KCTD8: variants seen among roughly 807,000 people sequenced by gnomAD.
The protein encoded by KCTD8 is potassium channel tetramerization domain containing 8, also known as BTB/POZ domain-containing protein KCTD8.
In KCTD8, 27 loss-of-function variants were observed where a neutral mutation model predicts 31.5. The observed-to-expected ratio is 0.86, with a 90% CI of 0.63 to 1.18. KCTD8 has a LOEUF of 1.18. Ranked by LOEUF, KCTD8 falls within the 50% of genes most tolerant of loss-of-function variation. The pLI, the probability that KCTD8 is intolerant of heterozygous loss-of-function variation, is 0.00. For missense variants in KCTD8, 658 were observed against 647.7 expected, an observed-to-expected ratio of 1.02 and a Z score of -0.17; for synonymous variants, 290 against 280.0, an observed-to-expected ratio of 1.04 and a Z score of -0.36.
intron 1 of KCTD8, among the ~76,000 whole-genome samples, chr4:44,441,145 G>C (rs1299521109): frequency 2.0e-5 from 3 of 151,952 alleles, no homozygotes; most frequent in Non-Finnish European, 4.4e-5. Context: ...TAATTTACTT[G>C]TTGGAATGAC....
intron 1 of KCTD8, among the ~76,000 whole-genome samples, chr4:44,300,907 C>T (rs1039392227): frequency 2.8e-5 from 4 of 145,290 alleles, no homozygotes; most frequent in African/African-American, 1.0e-4. Flanking sequence ...TGATGTTCCC[C>T]TTCCTGTGTC....
At chr4:44,377,202 A>G (rs1004407385) in intron 1 of KCTD8, among the ~76,000 whole-genome samples, 5 of 152,178 alleles carry the variant, frequency 3.3e-5, no homozygotes, top group Admixed American at 2.0e-4. Context: ...AGTAATGTGT[A>G]GAGAGATGGG....
intron 1 of KCTD8, among the ~76,000 whole-genome samples, chr4:44,179,335 G>C (rs967764634): frequency 6.6e-6 from 1 of 151,494 alleles, no homozygotes; most frequent in Admixed American, 6.6e-5. Context: ...AAATGCTTGG[G>C]ATATTTTAGA....
intron 1 of KCTD8, among the ~76,000 whole-genome samples, chr4:44,178,780 G>C (rs1713291468): frequency 6.6e-6 from 1 of 152,062 alleles, no homozygotes; most frequent in Non-Finnish European, 1.5e-5. Flanking sequence ...TCTATTCACT[G>C]GGAGGAAGAA....
chr4:44,401,980 T>C (rs1160724045), intron 1 of KCTD8, among the ~76,000 whole-genome samples: 2 of 152,222 alleles, frequency 1.3e-5, no homozygotes, highest in South Asian at 4.1e-4. Context: ...TGATGAAGTA[T>C]AAGTTAATCC....
intron 1 of KCTD8, among the ~76,000 whole-genome samples, chr4:44,426,604 G>A (rs1395591878): frequency 6.6e-6 from 1 of 151,636 alleles, no homozygotes; most frequent in Non-Finnish European, 1.5e-5. Context: ...TGAAAACCTA[G>A]ACAAAAGATG....
rs150056253 is a variant in KCTD8, at chr4:44,345,016, T to C, written c.961+102547A>G. ...CTTTCATCAAGTCCCAAGAGATCAC[T>C]TCACTGCCTTTCCTATGCCTTCTAG... is the stretch of plus-strand genomic sequence containing the variant. On this transcript the variant is annotated intron_variant, in intron 1 of 1. Coordinates refer to ENST00000360029, the MANE Select transcript of KCTD8 (RefSeq NM_198353.3). Among the ~76,000 whole-genome samples the C allele has an allele frequency of 3.3e-3, 508 of 152,280 alleles. 3 individuals carry two copies. Among genetic ancestry groups the C allele is most frequent in the Non-Finnish European group, 5.8e-3 (395 of 68,024 alleles).
At chr4:44,229,186 A>G (rs2109351654) in intron 1 of KCTD8, among the ~76,000 whole-genome samples, 1 of 152,282 alleles carries the variant, frequency 6.6e-6, no homozygotes, top group East Asian at 1.9e-4. Flanking sequence ...GGCAGGCATG[A>G]GTGAGGCAGG....
At chr4:44,441,142 C>T (rs1342833685) in intron 1 of KCTD8, among the ~76,000 whole-genome samples, 2 of 151,982 alleles carry the variant, frequency 1.3e-5, no homozygotes, top group African/African-American at 4.8e-5. Context: ...AGCTAATTTA[C>T]TTGTTGGAAT....
At chr4:44,286,481 G>A (rs959281738) in intron 1 of KCTD8, among the ~76,000 whole-genome samples, 2 of 152,034 alleles carry the variant, frequency 1.3e-5, no homozygotes, top group Non-Finnish European at 2.9e-5. Flanking sequence ...ATCCATAACT[G>A]ACTACTTTTC....
intron 1 of KCTD8, among the ~76,000 whole-genome samples, chr4:44,302,411 T>C (rs1055296097): frequency 6.6e-5 from 10 of 152,190 alleles, no homozygotes; most frequent in African/African-American, 2.4e-4. Flanking sequence ...TGGTTTGTAG[T>C]TCTCCTTGAA....
chr4:44,291,184 T>C (rs560448569), intron 1 of KCTD8, among the ~76,000 whole-genome samples: 11 of 152,202 alleles, frequency 7.2e-5, no homozygotes, highest in African/African-American at 2.2e-4. Flanking sequence ...TGAACACCTA[T>C]ATGAACACTA....
At chr4:44,348,492 TA>T (rs1474331207) in intron 1 of KCTD8, among the ~76,000 whole-genome samples, 1 of 152,202 alleles carries the variant, frequency 6.6e-6, no homozygotes, top group Non-Finnish European at 1.5e-5. Flanking sequence ...GTTAAGTGTG[TA>T]TGTACCTTCA....
chr4:44,187,943 G>A (rs2109333420), intron 1 of KCTD8, among the ~76,000 whole-genome samples: 1 of 149,406 alleles, frequency 6.7e-6, no homozygotes, highest in Non-Finnish European at 1.5e-5. Context: ...GGAAGCAGAG[G>A]TTGTGGAAGA....
chr4:44,197,318 C>T (rs1211367195), intron 1 of KCTD8, among the ~76,000 whole-genome samples: 1 of 152,074 alleles, frequency 6.6e-6, no homozygotes. Context: ...AGACCCCTGG[C>T]CCCTGCCTGA....
intron 1 of KCTD8, among the ~76,000 whole-genome samples, chr4:44,381,498 A>G (rs948393025): frequency 2.0e-5 from 3 of 152,130 alleles, no homozygotes; most frequent in African/African-American, 7.2e-5. Flanking sequence ...CAGGAACCAA[A>G]ATTAAGCAGG....
intron 1 of KCTD8, chr4:44,293,936 T>C: frequency 2.8e-6 from 1 of 357,806 alleles, no homozygotes; most frequent in Non-Finnish European, 5.6e-6. Context: ...ACAATTTTCT[T>C]GAGCATTTTA....
At chr4:44,339,134 G>C (rs1300067191) in intron 1 of KCTD8, among the ~76,000 whole-genome samples, 1 of 152,104 alleles carries the variant, frequency 6.6e-6, no homozygotes, top group Non-Finnish European at 1.5e-5. Context: ...TTTAAAAATT[G>C]TAAATATATT....
intron 1 of KCTD8, among the ~76,000 whole-genome samples, chr4:44,233,808 T>C (rs1715195266): frequency 6.6e-6 from 1 of 152,180 alleles, no homozygotes; most frequent in Non-Finnish European, 1.5e-5. Context: ...CTAAGAATTT[T>C]TTTTAAATTG....
Sources: gnomAD v4.1 joint callset for allele counts (sites outside exome capture counted in the v4.1 genomes callset) on GRCh38, gnomAD v4.1.1 for gene constraint, MANE v1.5 for transcripts, NCBI Gene and HGNC (gene_info 2026-07-23, HGNC 2026-07-21) for gene names.